The following SLC22A3 variants were observed in gnomAD, a reference collection of about 807,000 sequenced individuals.
SLC22A3 encodes the protein solute carrier family 22 member 3.
SLC22A3 carries 51 observed loss-of-function variants against 59.1 expected under a neutral mutation model. The ratio of observed to expected loss-of-function variants is 0.86; its 90% confidence interval spans 0.69 to 1.09. The LOEUF (loss-of-function observed/expected upper bound fraction) is 1.09, where lower values mean the gene tolerates loss of function less well. Among genes scored for constraint, SLC22A3 ranks in the 50% least tolerant of loss-of-function variants. SLC22A3 has a pLI of 0.00. For missense variants in SLC22A3, 711 were observed against 726.3 expected (o/e 0.98, Z 0.24); for synonymous variants, 325 against 292.0 (o/e 1.11, Z -1.15).
At position 160,434,964 on chromosome 6, in the gene SLC22A3, C is replaced by T. The variant is rs868147750; in HGVS notation, c.976-1816C>T. 4.0e-4 allele frequency among the ~76,000 whole-genome samples: 61 copies of T among 151,194 alleles called. 1 individual carries two copies. The highest frequency in any genetic ancestry group is 1.8e-4 in the Non-Finnish European group (12 of 67,696). On this transcript the variant is annotated intron_variant, in intron 5 of 10. Transcript: ENST00000275300. Reference sequence around the variant, plus strand: ...TCCATGAGTTCCATTTATCTTGCATCTCCACCATCGCCTACACAGGTGGTA... The same window carrying T: ...TCCATGAGTTCCATTTATCTTGCATTTCCACCATCGCCTACACAGGTGGTA...
chr6:160,386,508 C>T (rs1040244039), intron 1 of SLC22A3, among the ~76,000 whole-genome samples: 2 of 152,190 alleles, frequency 1.3e-5, no homozygotes, highest in African/African-American at 4.8e-5. Context: ...CTGGATTTCT[C>T]AGAAAACACA....
intron 5 of SLC22A3, among the ~76,000 whole-genome samples, chr6:160,424,669 C>A (rs909926947): frequency 6.6e-6 from 1 of 152,138 alleles, no homozygotes; most frequent in Non-Finnish European, 1.5e-5. Flanking sequence ...CTGTGACTCC[C>A]AACTGCCTAC....
rs183539769 is a variant in SLC22A3 at position 160,405,288 on chromosome 6, A to G, written c.534-1753A>G. ...CACCAAAGAGAGTATACAGATGATA[A>G]TAAGCATATGAAATGATGCTCTACG... On this transcript the variant is annotated intron_variant, in intron 2 of 10. Transcript: ENST00000275300. Among the ~76,000 whole-genome samples the G allele has an allele frequency of 2.6e-3, 397 of 152,292 alleles. 3 individuals are homozygous for G. The highest frequency in any genetic ancestry group is 1.4e-3 in the Non-Finnish European group (94 of 68,004).
At chr6:160,368,658 G>C (rs1484370701) in intron 1 of SLC22A3, among the ~76,000 whole-genome samples, 1 of 152,110 alleles carries the variant, frequency 6.6e-6, no homozygotes, top group Non-Finnish European at 1.5e-5. Context: ...CCACACCACA[G>C]AATCTGTGCT....
intron 1 of SLC22A3, among the ~76,000 whole-genome samples, chr6:160,368,816 C>T (rs1365608408): frequency 6.6e-6 from 1 of 152,172 alleles, no homozygotes; most frequent in Non-Finnish European, 1.5e-5. Context: ...AGGTAGCTGC[C>T]ATAGTCACCG....
At chr6:160,398,708 T>C (rs1786628795) in intron 2 of SLC22A3, among the ~76,000 whole-genome samples, 1 of 152,238 alleles carries the variant, frequency 6.6e-6, no homozygotes, top group Non-Finnish European at 1.5e-5. Context: ...ATGCTAGCTA[T>C]TGTATTCATG....
rs866741197 is a variant in SLC22A3 at position 160,348,534 on chromosome 6, G to A, written c.115G>A (p.Val39Met). 6.4e-7 allele frequency: 1 copy of A among 1,562,878 alleles called. No individual in the cohort carries two copies. The highest frequency in any genetic ancestry group is 1.2e-5 in the South Asian group (1 of 86,686). Reference sequence around the variant, plus strand: ...CACCTTCGCCTTCCTCTTCGTCGGCGTGGTCTTCCTGGGCACGCAGCCCGA... The same window carrying A: ...CACCTTCGCCTTCCTCTTCGTCGGCATGGTCTTCCTGGGCACGCAGCCCGA... ...GVTFAFLFVG[V>M]VFLGTQPDHY... The change falls in exon 1 of 11, where the codon GTG (valine) becomes ATG (methionine). Residue 39 changes from valine (V) to methionine (M), a missense_variant. By Grantham distance (21) the Val-to-Met change is conservative. Transcript: ENST00000275300.
rs776034556 is a variant in SLC22A3 at position 160,408,934 on chromosome 6, T to C, written c.857+13T>C. 1.9e-6 allele frequency: 3 copies of C among 1,612,092 alleles called. No homozygotes were observed. The Admixed American group carries it at 5.0e-5, about 27-fold the overall frequency. ...TCCTTTATTACTGGTAATGTGGTTT[T>C]GGTTATCATCATATTTATACTGATT... On this transcript the variant is annotated intron_variant, in intron 4 of 10. Transcript: ENST00000275300.
chr6:160,367,191 T>TA (rs1315243415), intron 1 of SLC22A3, among the ~76,000 whole-genome samples: 1 of 152,174 alleles, frequency 6.6e-6, no homozygotes, highest in Non-Finnish European at 1.5e-5. Context: ...TCAGGAAACT[T>TA]ACAATCATGG....
chr6:160,376,375 T>G (rs1785594118), intron 1 of SLC22A3, among the ~76,000 whole-genome samples: 1 of 147,912 alleles, frequency 6.8e-6, no homozygotes, highest in African/African-American at 2.5e-5. Flanking sequence ...CGGAGAGGGG[T>G]GAGGGGAGGG....
intron 3 of SLC22A3, among the ~76,000 whole-genome samples, chr6:160,408,544 T>C (rs556918127): frequency 6.6e-6 from 1 of 152,298 alleles, no homozygotes; most frequent in South Asian, 2.1e-4. Flanking sequence ...GTGCCTGTGA[T>C]AAATGGCAGA....
At chr6:160,370,293 T>C (rs1336840888) in intron 1 of SLC22A3, among the ~76,000 whole-genome samples, 2 of 152,228 alleles carry the variant, frequency 1.3e-5, no homozygotes, top group Non-Finnish European at 2.9e-5. Context: ...TGAAAGAGCA[T>C]GTGTGGGGGA....
intron 5 of SLC22A3, among the ~76,000 whole-genome samples, chr6:160,412,381 G>A (rs1787291971): frequency 6.6e-6 from 1 of 151,990 alleles, no homozygotes; most frequent in Non-Finnish European, 1.5e-5. Flanking sequence ...ACTGGGTTTT[G>A]TTGGTTCTAT....
intron 1 of SLC22A3, among the ~76,000 whole-genome samples, chr6:160,357,436 A>G (rs1247873447): frequency 2.0e-5 from 3 of 152,198 alleles, no homozygotes; most frequent in Admixed American, 2.0e-4. Flanking sequence ...AAAATGAAAG[A>G]CAACATGTGT....
At chr6:160,408,398 T>G (rs1787107734) in intron 3 of SLC22A3, among the ~76,000 whole-genome samples, 1 of 152,214 alleles carries the variant, frequency 6.6e-6, no homozygotes, top group African/African-American at 2.4e-5. Flanking sequence ...CTTAACATAT[T>G]TATGTTTTGA....
chr6:160,426,830 G>C (rs551288671), intron 5 of SLC22A3, among the ~76,000 whole-genome samples: 1 of 152,152 alleles, frequency 6.6e-6, no homozygotes, highest in Non-Finnish European at 1.5e-5. Flanking sequence ...GCCTAGAAGC[G>C]GATCCCTTGG....
At chr6:160,427,831 T>C (rs1788017605) in intron 5 of SLC22A3, among the ~76,000 whole-genome samples, 1 of 152,206 alleles carries the variant, frequency 6.6e-6, no homozygotes, top group African/African-American at 2.4e-5. Context: ...ATTTTGTGTA[T>C]CCATACATGC....
chr6:160,384,206 C>G (rs1785907189), intron 1 of SLC22A3, among the ~76,000 whole-genome samples: 1 of 152,130 alleles, frequency 6.6e-6, no homozygotes, highest in African/African-American at 2.4e-5. Context: ...AGCCACCACG[C>G]CTGGCTCAAA....
At chr6:160,383,589 A>AT (rs1785877721) in intron 1 of SLC22A3, among the ~76,000 whole-genome samples, 1 of 152,158 alleles carries the variant, frequency 6.6e-6, no homozygotes. Flanking sequence ...TTTTAACTAC[A>AT]TAAAAATAAA....
Sources: gnomAD v4.1 joint callset for allele counts (sites outside exome capture counted in the v4.1 genomes callset) on GRCh38, gnomAD v4.1.1 for gene constraint, MANE v1.5 for transcripts, NCBI Gene and HGNC (gene_info 2026-07-23, HGNC 2026-07-21) for gene names.